The following PCDHA8 variants were observed in gnomAD, a reference collection of about 807,000 sequenced individuals.
The protein encoded by PCDHA8 is protocadherin alpha 8, also known as protocadherin alpha-8.
Under a neutral mutation model 61.8 loss-of-function variants are expected in PCDHA8, and 53 were observed. The ratio of observed to expected loss-of-function variants is 0.86; its 90% CI spans 0.69 to 1.08. The LOEUF (loss-of-function observed/expected upper bound fraction) is 1.08. Among genes scored for constraint, PCDHA8 ranks in the 50% least tolerant of loss-of-function variants. PCDHA8 has a pLI of 0.00. For missense variants in PCDHA8, 1,293 were observed against 1,245.0 expected (o/e 1.04, Z -0.58); for synonymous variants, 618 against 556.6 (o/e 1.11, Z -1.55).
chr5:140,850,139 C>G (rs2041373469), intron 1 of PCDHA8: 1 of 1,595,636 alleles, frequency 6.3e-7, no homozygotes, highest in African/African-American at 1.3e-5. Context: ...TGGGCAGCAA[C>G]GTGACGCTGC....
At chr5:140,858,510 T>A (rs565313627) in intron 1 of PCDHA8, 1 of 1,437,158 alleles carries the variant, frequency 7.0e-7, no homozygotes. Context: ...TTCTCAAATA[T>A]GTATCAGAAT....
At chr5:140,857,263 A>C (rs367883816) in intron 1 of PCDHA8, 1 of 1,598,420 alleles carries the variant, frequency 6.3e-7, no homozygotes, top group East Asian at 2.2e-5. Context: ...ATTACTACTC[A>C]TTGGTGCTGG....
chr5:140,956,852 G>A (rs931766503), intron 1 of PCDHA8, among the ~76,000 whole-genome samples: 1 of 152,062 alleles, frequency 6.6e-6, no homozygotes. Flanking sequence ...TGGGTTAAAT[G>A]GTTGAATGAA....
intron 1 of PCDHA8, among the ~76,000 whole-genome samples, chr5:140,885,298 G>C (rs1328478663): frequency 6.6e-6 from 1 of 152,040 alleles, no homozygotes; most frequent in East Asian, 1.9e-4. Flanking sequence ...AGAGAGACCT[G>C]GTAGGCTTTT....
chr5:140,975,840 A>G (rs1387222678), intron 1 of PCDHA8, among the ~76,000 whole-genome samples: 2 of 152,202 alleles, frequency 1.3e-5, no homozygotes, highest in African/African-American at 2.4e-5. Context: ...CTTATTCTTC[A>G]GTAATACTAC....
chr5:140,951,707 G>A (rs1162162711), intron 1 of PCDHA8, among the ~76,000 whole-genome samples: 6 of 152,076 alleles, frequency 3.9e-5, no homozygotes, highest in African/African-American at 1.4e-4. Flanking sequence ...TTTGGGCGGG[G>A]ACACAGATCC....
At chr5:140,989,041 A>G (rs531223216) in intron 3 of PCDHA8, 1 of 152,340 alleles carries the variant, frequency 6.6e-6, no homozygotes, top group Admixed American at 6.5e-5. Flanking sequence ...GATTCCTTTA[A>G]TATGCCAGCT....
intron 1 of PCDHA8, chr5:140,928,089 T>G: frequency 6.2e-7 from 1 of 1,614,192 alleles, no homozygotes; most frequent in Non-Finnish European, 8.5e-7. Context: ...GCCTGCTGAT[T>G]GATGGGCCCC....
rs2150435821 is a variant in PCDHA8 at position 140,849,360 on chromosome 5, A to G, written c.2394+5645A>G. ...CTTCTCCAGTGATGTTTCTCCAGAT[A>G]TAAAATCCAAGTTCCACATGGACCC... On this transcript the variant is annotated intron_variant, in intron 1 of 3. Transcript: ENST00000531613. The G allele has an allele frequency of 6.8e-6, 10 of 1,467,526 alleles. No homozygotes were observed. In the African/African-American group the frequency reaches 1.1e-4, roughly 16 times the overall value. The allele number at this position is 1,467,526 out of a possible 1,614,324, so 90.9% of individuals were successfully genotyped here. A position where few individuals can be genotyped will look rare whatever the true frequency, so the allele number is the denominator to read the frequency against.
In PCDHA8 at chr5:141,011,598, G is replaced by A. The variant is rs530366689; in HGVS notation, c.*1661G>A. ...TTAAATCAAGATACTGGTGATTCAA[G>A]GAATTTTATTTATGGTCCAGCCAAG... On this transcript the variant is annotated 3_prime_UTR_variant, in exon 4 of 4. Transcript: ENST00000531613. 6.5e-6 allele frequency: 1 copy of A among 153,736 alleles called. No homozygotes were observed. Among genetic ancestry groups the A allele is most frequent in the Non-Finnish European group, 1.5e-5 (1 of 68,012 alleles). The allele number at this position is 153,736 out of a possible 1,614,324, so 9.5% of individuals were successfully genotyped here.
intron 3 of PCDHA8, among the ~76,000 whole-genome samples, chr5:140,994,308 C>T (rs1402344988): frequency 6.6e-6 from 1 of 152,086 alleles, no homozygotes; most frequent in African/African-American, 2.4e-5. Flanking sequence ...TTTCACAGGG[C>T]CCAAACACTC....
intron 1 of PCDHA8, chr5:140,858,289 T>C: frequency 6.3e-7 from 1 of 1,597,184 alleles, no homozygotes; most frequent in Non-Finnish European, 8.6e-7. Flanking sequence ...GGAGCTGGTC[T>C]TACTCGCAGC....
chr5:140,915,006 C>A (rs958050012), intron 1 of PCDHA8, among the ~76,000 whole-genome samples: 2 of 149,102 alleles, frequency 1.3e-5, no homozygotes, highest in African/African-American at 5.0e-5. Flanking sequence ...AGTGCAGTGG[C>A]CTGATCTTGG....
chr5:140,895,257 T>A (rs1180344268), intron 1 of PCDHA8, among the ~76,000 whole-genome samples: 8 of 152,212 alleles, frequency 5.3e-5, no homozygotes, highest in Non-Finnish European at 8.8e-5. Context: ...AGCTTTCTTT[T>A]TTTTCTTACT....
In PCDHA8 at chr5:140,894,570, T is replaced by G. The variant is rs558111947; in HGVS notation, c.2394+50855T>G. ...TTTACTTCTGAAAAAATTATTTTCC[T>G]TTTTTTTAATATTTTACTGAGTTTT... On this transcript the variant is annotated intron_variant, in intron 1 of 3. Coordinates refer to ENST00000531613, the MANE Select transcript of PCDHA8 (RefSeq NM_018911.3). Among the ~76,000 whole-genome samples the G allele has an allele frequency of 1.5e-4, 23 of 151,856 alleles. No individual in the cohort carries two copies. The South Asian group carries it at 4.4e-3, about 29-fold the overall frequency.
At chr5:140,973,088 A>G (rs2096571573) in intron 1 of PCDHA8, among the ~76,000 whole-genome samples, 4 of 152,204 alleles carry the variant, frequency 2.6e-5, no homozygotes, top group African/African-American at 7.2e-5. Flanking sequence ...CTGGCACAAC[A>G]TGTAGAAATT....
chr5:141,006,441 C>T (rs2098274470), intron 3 of PCDHA8, among the ~76,000 whole-genome samples: 1 of 152,110 alleles, frequency 6.6e-6, no homozygotes, highest in Non-Finnish European at 1.5e-5. Flanking sequence ...TCTCAATCTC[C>T]TGACCTCGAG....
intron 1 of PCDHA8, chr5:140,869,054 T>C: frequency 6.5e-7 from 1 of 1,545,104 alleles, no homozygotes; most frequent in African/African-American, 1.4e-5. Context: ...CTGAAGAATC[T>C]GGTACTGTAA....
At position 140,857,911 on chromosome 5, in the gene PCDHA8, T is replaced by C. The variant is rs144216608; in HGVS notation, c.2394+14196T>C. On this transcript the variant is annotated intron_variant, in intron 1 of 3. Transcript: ENST00000531613. ...CGGCGGTTGGTGCACGCATCCCGTT[T>C]CGCGTGGGGCTGTACACGGGCGAGA... 4,248 of 1,597,856 alleles carry C rather than the reference T, an allele frequency of 2.7e-3. 342 individuals are homozygous for C. Among genetic ancestry groups the C allele is most frequent in the Middle Eastern group, 0.01 (61 of 5,986 alleles).
Sources: allele counts gnomAD v4.1 joint callset (sites outside exome capture counted in the v4.1 genomes callset), GRCh38; gene constraint gnomAD v4.1.1; transcripts MANE v1.5; gene names NCBI Gene and HGNC (gene_info 2026-07-23, HGNC 2026-07-21).